JAK1: variants seen among roughly 807,000 people sequenced by gnomAD.
The protein encoded by JAK1 is Janus kinase 1.
In JAK1, 16 loss-of-function variants were observed where a neutral mutation model predicts 136.6. The observed-to-expected ratio is 0.12, with a 90% CI of 0.08 to 0.18. The LOEUF (loss-of-function observed/expected upper bound fraction) is 0.18. JAK1 is among the 10% of genes least tolerant of loss of function. JAK1 has a pLI of 1.00. For synonymous variants in JAK1, 492 were observed against 519.5 expected (o/e 0.95, Z 0.72); for missense variants, 859 against 1,450.1 (o/e 0.59, Z 6.62).
At chr1:64,909,270 G>A (rs1645241636) in intron 1 of JAK1, among the ~76,000 whole-genome samples, 1 of 152,152 alleles carries the variant, frequency 6.6e-6, no homozygotes, top group African/African-American at 2.4e-5. Flanking sequence ...CAGGGAAGCT[G>A]GCACGTGCAC....
At chr1:64,950,268 C>CGTG in intron 1 of JAK1, among the ~76,000 whole-genome samples, 1 of 151,814 alleles carries the variant, frequency 6.6e-6, no homozygotes, top group East Asian at 1.9e-4. Flanking sequence ...ATTAGCCTGG[C>CGTG]GTGGTGGCGG....
intron 1 of JAK1, among the ~76,000 whole-genome samples, chr1:64,922,258 G>A (rs1645507733): frequency 6.6e-6 from 1 of 151,830 alleles, no homozygotes; most frequent in Non-Finnish European, 1.5e-5. Flanking sequence ...AAAAACAAGG[G>A]TTTTTTTGCA....
rs368516712 is a variant in JAK1 at position 64,894,348 on chromosome 1, T to C, written c.-77-8007A>G. Among the ~76,000 whole-genome samples the C allele has an allele frequency of 2.2e-3, 342 of 152,286 alleles. 7 individuals are homozygous for C. The highest frequency in any genetic ancestry group is 3.1e-3 in the Non-Finnish European group (212 of 68,022). ...TTCCACAGCAACAATGGGAGACCACTCTAGAAACAAAGGGGGTTCCAATGC... is the reference window on the plus strand; with the variant it reads ...TTCCACAGCAACAATGGGAGACCACCCTAGAAACAAAGGGGGTTCCAATGC... On this transcript the variant is annotated intron_variant, in intron 1 of 24. Coordinates refer to ENST00000342505, the MANE Select transcript of JAK1 (RefSeq NM_002227.4).
At chr1:64,855,417 C>T (rs1003565870) in intron 11 of JAK1, 92 bp downstream of exon 11, 1 of 1,222,850 alleles carries the variant, frequency 8.2e-7, no homozygotes, top group South Asian at 1.5e-5. Context: ...GGAGGGTCCA[C>T]TTTGTTTAAG....
In JAK1 at chr1:64,844,289, A is replaced by G; in HGVS notation, c.2252-74T>C. 2 of 1,560,614 alleles carry G rather than the reference A, an allele frequency of 1.3e-6. No individual in the cohort carries two copies. The highest frequency in any genetic ancestry group is 1.8e-6 in the Non-Finnish European group (2 of 1,132,602). On this transcript the variant is annotated intron_variant, in intron 16 of 24. Transcript: ENST00000342505. The surrounding 1 kb of genome is among the most constrained non-coding windows in gnomAD (Gnocchi z 5.7). ...GGATTCAATTACTGTCACTGCAGCC[A>G]GAACAGTGAGCCAATGAAGGAACTA...
chr1:64,847,215 T>C (rs947918621), intron 13 of JAK1, among the ~76,000 whole-genome samples: 2 of 152,154 alleles, frequency 1.3e-5, no homozygotes, highest in Non-Finnish European at 2.9e-5. Flanking sequence ...AGCCATGGAC[T>C]GTATCAGGAA....
intron 1 of JAK1, among the ~76,000 whole-genome samples, chr1:64,928,778 CAAAA>C (rs1183218798): frequency 1.1e-4 from 7 of 61,126 alleles, no homozygotes; most frequent in African/African-American, 1.7e-4. Context: ...TAAAACTCTG[CAAAA>C]AAAAAAAAAA....
At chr1:64,923,770 C>G (rs1475759231) in intron 1 of JAK1, among the ~76,000 whole-genome samples, 1 of 152,172 alleles carries the variant, frequency 6.6e-6, no homozygotes, top group African/African-American at 2.4e-5. Context: ...TTTCTCTGCA[C>G]TTTGCCAGGT....
At chr1:64,971,099 C>G (rs775943448), upstream of JAK1, among the ~76,000 whole-genome samples, 12 of 152,250 alleles carry the variant, frequency 7.9e-5, no homozygotes, top group Non-Finnish European at 1.8e-4. Context: ...AACTAAATCC[C>G]CATTGTACAA....
At chr1:64,930,477 G>A (rs940894704) in intron 1 of JAK1, among the ~76,000 whole-genome samples, 23 of 152,046 alleles carry the variant, frequency 1.5e-4, no homozygotes, top group African/African-American at 4.1e-4. Context: ...TCAGAATGGC[G>A]ATCATTAAAA....
At chr1:64,935,468 T>G (rs1176368017) in intron 1 of JAK1, among the ~76,000 whole-genome samples, 1 of 152,052 alleles carries the variant, frequency 6.6e-6, no homozygotes, top group Non-Finnish European at 1.5e-5. Flanking sequence ...CCCAGCTAAT[T>G]TTTGTATTTT....
chr1:64,883,170 T>C (rs1405704570), intron 3 of JAK1, 107 bp downstream of exon 3: 2 of 886,494 alleles, frequency 2.3e-6, no homozygotes, highest in African/African-American at 1.7e-5. Context: ...GACTCCAGAG[T>C]CCACAACTCT....
chr1:64,855,822 A>C (rs1317973983), intron 10 of JAK1, 124 bp from the exon 11 acceptor site: 16 of 705,084 alleles, frequency 2.3e-5, no homozygotes, highest in Non-Finnish European at 3.6e-5. Flanking sequence ...CATTTCTGTA[A>C]ATCTAAAATT....
intron 1 of JAK1, among the ~76,000 whole-genome samples, chr1:64,960,161 A>C (rs1227248929): frequency 3.3e-5 from 5 of 152,208 alleles, no homozygotes; most frequent in African/African-American, 1.2e-4. Flanking sequence ...CCAGAAGGTC[A>C]ACGCTGACTT....
intron 1 of JAK1, among the ~76,000 whole-genome samples, chr1:64,952,155 C>T (rs1646102923): frequency 1.3e-5 from 2 of 152,134 alleles, no homozygotes; most frequent in Non-Finnish European, 2.9e-5. Context: ...CAAAAAGAAC[C>T]ATAAGTGATT....
intron 1 of JAK1, among the ~76,000 whole-genome samples, chr1:64,944,256 C>G (rs988139423): frequency 8.7e-5 from 13 of 150,242 alleles, no homozygotes; most frequent in Non-Finnish European, 1.6e-4. Context: ...TTAAATGTAC[C>G]AGTAATTAAA....
intron 1 of JAK1, among the ~76,000 whole-genome samples, chr1:64,898,002 G>A (rs180895778): frequency 6.6e-6 from 1 of 152,264 alleles, no homozygotes; most frequent in East Asian, 1.9e-4. Flanking sequence ...ATACTGCTAT[G>A]GGTAAGAGCT....
At chr1:64,838,966 A>C (rs1011728612) in intron 20 of JAK1, among the ~76,000 whole-genome samples, 1 of 150,632 alleles carries the variant, frequency 6.6e-6, no homozygotes, top group African/African-American at 2.4e-5. Context: ...TAACACGGTG[A>C]AACCCCGTCT....
At chr1:64,864,267 T>C (rs760899902) in intron 8 of JAK1, among the ~76,000 whole-genome samples, 1 of 152,214 alleles carries the variant, frequency 6.6e-6, no homozygotes, top group Non-Finnish European at 1.5e-5. Flanking sequence ...TTCCTGCTTG[T>C]TTAGATTATG....
Sources: allele counts gnomAD v4.1 joint callset (sites outside exome capture counted in the v4.1 genomes callset), GRCh38; gene constraint gnomAD v4.1.1; non-coding constraint Gnocchi (gnomAD v3.1); transcripts MANE v1.5; gene names NCBI Gene and HGNC (gene_info 2026-07-23, HGNC 2026-07-21).